PTPRT: variants seen among roughly 807,000 people sequenced by gnomAD.
PTPRT encodes receptor-type tyrosine-protein phosphatase T.
A neutral mutation model predicts 176.8 loss-of-function variants in PTPRT; 56 were observed. That is an observed-to-expected ratio of 0.32 (90% confidence interval 0.26 to 0.40). The LOEUF (loss-of-function observed/expected upper bound fraction) is 0.40, where lower values mean the gene tolerates loss of function less well. Among genes scored for constraint, PTPRT ranks in the 10% least tolerant of loss-of-function variants. PTPRT has a pLI of 1.00. For missense variants in PTPRT, 1,540 were observed against 1,908.2 expected (o/e 0.81, Z 3.60); for synonymous variants, 783 against 739.0 (o/e 1.06, Z -0.96).
chr20:43,177,651 T>C (rs183727484), intron 1 of PTPRT, among the ~76,000 whole-genome samples: 1 of 152,016 alleles, frequency 6.6e-6, no homozygotes, highest in African/African-American at 2.4e-5. Flanking sequence ...GGCAGAACAA[T>C]TGCAATACAG....
chr20:42,621,001 G>A (rs1404714082), intron 7 of PTPRT, among the ~76,000 whole-genome samples: 2 of 152,036 alleles, frequency 1.3e-5, no homozygotes, highest in East Asian at 3.9e-4. Flanking sequence ...CAGATCTCAT[G>A]AGACCCATTC....
intron 12 of PTPRT, among the ~76,000 whole-genome samples, chr20:42,304,679 G>A (rs1435033513): frequency 6.6e-6 from 1 of 152,134 alleles, no homozygotes; most frequent in Non-Finnish European, 1.5e-5. Context: ...CCATTTTATA[G>A]TGCAAGAAAT....
chr20:42,716,607 T>C (rs1372289497), intron 6 of PTPRT, among the ~76,000 whole-genome samples: 1 of 152,248 alleles, frequency 6.6e-6, no homozygotes, highest in African/African-American at 2.4e-5. Flanking sequence ...TGTTTGTTTT[T>C]TTCTTGTAAA....
At chr20:42,889,094 C>T (rs2079149842) in intron 1 of PTPRT, among the ~76,000 whole-genome samples, 1 of 152,142 alleles carries the variant, frequency 6.6e-6, no homozygotes, top group African/African-American at 2.4e-5. Flanking sequence ...CACCTCCCTG[C>T]CTCTGCTTAA....
At chr20:42,170,895 A>C (rs994383690) in intron 16 of PTPRT, among the ~76,000 whole-genome samples, 2 of 152,202 alleles carry the variant, frequency 1.3e-5, no homozygotes, top group South Asian at 2.1e-4. Flanking sequence ...CCTACAACTT[A>C]AAAATAGAGC....
At chr20:42,469,656 T>C in intron 8 of PTPRT, among the ~76,000 whole-genome samples, 1 of 152,126 alleles carries the variant, frequency 6.6e-6, no homozygotes. Flanking sequence ...TGAAGTCAGA[T>C]CTAGGGAAAT....
intron 22 of PTPRT, among the ~76,000 whole-genome samples, chr20:42,112,667 C>T (rs1466028914): frequency 6.6e-6 from 1 of 152,164 alleles, no homozygotes; most frequent in African/African-American, 2.4e-5. Context: ...CACTCAGCTC[C>T]TTTCCCCACC....
chr20:42,254,459 C>T (rs867148947), intron 13 of PTPRT, among the ~76,000 whole-genome samples: 12 of 152,122 alleles, frequency 7.9e-5, no homozygotes, highest in South Asian at 4.2e-4. Context: ...AGATTATTGA[C>T]TTTGAAGGTA....
At chr20:42,769,286 G>T (rs1267556143) in intron 5 of PTPRT, among the ~76,000 whole-genome samples, 1 of 152,134 alleles carries the variant, frequency 6.6e-6, no homozygotes, top group Non-Finnish European at 1.5e-5. Context: ...CACAGGAAAT[G>T]GCTTAAATTC....
chr20:42,949,606 T>A (rs2146012152), intron 1 of PTPRT, among the ~76,000 whole-genome samples: 1 of 152,300 alleles, frequency 6.6e-6, no homozygotes, highest in Non-Finnish European at 1.5e-5. Context: ...AGCGGGAGCA[T>A]CAAACATTAT....
intron 7 of PTPRT, among the ~76,000 whole-genome samples, chr20:42,628,825 A>C (rs35869726): frequency 0.1 from 15,902 of 152,204 alleles, 1,050 homozygotes; most frequent in Middle Eastern, 0.16. Flanking sequence ...CGTATGACAC[A>C]ATTTCAGCAG....
At position 42,423,178 on chromosome 20, in the gene PTPRT, TAA is replaced by T. The variant is rs34775268; in HGVS notation, c.1560+25040_1560+25041del. 8.3e-4 allele frequency among the ~76,000 whole-genome samples: 73 copies of T among 88,104 alleles called. 1 individual carries two copies. Among genetic ancestry groups the T allele is most frequent in the Admixed American group, 5.2e-3 (37 of 7,096 alleles). The allele number at this position is 88,104 out of a possible 152,430, so 57.8% of individuals were successfully genotyped here. Reference sequence around the variant, plus strand: ...TCACTTGTACCCCTGACCTTAAAAGTAAAAAAAAAAAAAAAAAAAAAAAGGAA... The same window carrying T: ...TCACTTGTACCCCTGACCTTAAAAGTAAAAAAAAAAAAAAAAAAAAAGGAA... On this transcript the variant is annotated intron_variant, in intron 9 of 30. Transcript: ENST00000373187.
chr20:42,107,567 A>G (rs1986579997), intron 23 of PTPRT, among the ~76,000 whole-genome samples: 1 of 152,242 alleles, frequency 6.6e-6, no homozygotes, highest in East Asian at 1.9e-4. Context: ...GGGGAACTCA[A>G]CGAGACTCTA....
chr20:42,212,892 G>C (rs2055678473), intron 15 of PTPRT, among the ~76,000 whole-genome samples: 1 of 152,146 alleles, frequency 6.6e-6, no homozygotes, highest in Non-Finnish European at 1.5e-5. Context: ...AACCTCCATT[G>C]ATGCAGTCTA....
At chr20:42,746,340 G>A (rs1317389897) in intron 6 of PTPRT, among the ~76,000 whole-genome samples, 3 of 152,138 alleles carry the variant, frequency 2.0e-5, no homozygotes, top group Non-Finnish European at 2.9e-5. Context: ...TAATGGTGAC[G>A]TTATCAAAGA....
At chr20:43,030,539 G>C (rs1986100806) in intron 1 of PTPRT, among the ~76,000 whole-genome samples, 1 of 152,002 alleles carries the variant, frequency 6.6e-6, no homozygotes. Flanking sequence ...GCCATGTTGT[G>C]AATATACCTC....
intron 1 of PTPRT, among the ~76,000 whole-genome samples, chr20:43,050,048 G>A (rs1338405742): frequency 1.3e-5 from 2 of 152,374 alleles, no homozygotes; most frequent in Middle Eastern, 3.4e-3. Context: ...GGAAGGAAGT[G>A]GAGGCTGTCA....
intron 1 of PTPRT, among the ~76,000 whole-genome samples, chr20:43,159,025 C>A (rs767166602): frequency 3.3e-5 from 5 of 152,160 alleles, no homozygotes; most frequent in Admixed American, 6.5e-5. Context: ...GGGAACAAAT[C>A]ATTTATTTGG....
At chr20:42,679,348 C>T (rs1316181834) in intron 6 of PTPRT, among the ~76,000 whole-genome samples, 1 of 151,596 alleles carries the variant, frequency 6.6e-6, no homozygotes, top group Non-Finnish European at 1.5e-5. Flanking sequence ...TAACCAAGGT[C>T]ATGGAGAAGG....
Sources: gnomAD v4.1 joint callset for allele counts (sites outside exome capture counted in the v4.1 genomes callset) on GRCh38, gnomAD v4.1.1 for gene constraint, MANE v1.5 for transcripts, NCBI Gene and HGNC (gene_info 2026-07-23, HGNC 2026-07-21) for gene names.